NISCH: variants seen among roughly 807,000 people sequenced by gnomAD.
The protein encoded by NISCH is nischarin, also known as I-1 receptor candidate protein.
A neutral mutation model predicts 138.4 loss-of-function variants in NISCH; 55 were observed. The observed-to-expected ratio is 0.40, with a 90% CI of 0.32 to 0.50. NISCH has a LOEUF of 0.50. Ranked by LOEUF, NISCH falls within the 20% of genes least tolerant of loss-of-function variation. The pLI is 0.71. For missense variants in NISCH, 1,643 were observed against 2,005.5 expected, an observed-to-expected ratio of 0.82 and a Z score of 3.45; for synonymous variants, 860 against 861.5, an observed-to-expected ratio of 1.00 and a Z score of 0.03.
At position 52,491,491 on chromosome 3, in the gene NISCH, C is replaced by A. The variant is rs374481892; in HGVS notation, c.3882C>A (p.Ser1294=). Residue 1294 remains serine (S), a synonymous_variant, in exon 20 of 21, where the codon TCC becomes TCA. Transcript: ENST00000345716. Reference sequence around the variant, plus strand: ...AGCCTGTTGACAAGGACTTCTACTCCGAGTTTGGGAACAAGACCACAGGTA... The same window carrying A: ...AGCCTGTTGACAAGGACTTCTACTCAGAGTTTGGGAACAAGACCACAGGTA... ...SPEPVDKDFY[S]EFGNKTTGKM... is the part of the protein sequence containing the mutation. 3 of 1,612,678 alleles carry A rather than the reference C, an allele frequency of 1.9e-6. No homozygotes were observed. The highest frequency in any genetic ancestry group is 2.5e-6 in the Non-Finnish European group (3 of 1,179,598).
chr3:52,492,057 T>C lies in NISCH; in HGVS notation c.4090T>C (p.Cys1364Arg), dbSNP rs762197537. 1.9e-6 allele frequency: 3 copies of C among 1,613,096 alleles called. No individual in the cohort carries two copies. The South Asian group carries it at 3.3e-5, about 18-fold the overall frequency. Residue 1364 changes from cysteine to arginine, a missense_variant, in exon 21 of 21, where the codon TGC becomes CGC. Transcript: ENST00000345716. Reference sequence around the variant, plus strand: ...GGTGGGCATGCCACCCCCTGGGTGCTGCAGGGGCCCCCTGCGCCCCAAGAC... The same window carrying C: ...GGTGGGCATGCCACCCCCTGGGTGCCGCAGGGGCCCCCTGCGCCCCAAGAC... Reference protein sequence around the residue: ...FQVGMPPPGCCRGPLRPKTLL... With the variant: ...FQVGMPPPGCRRGPLRPKTLL...
chr3:52,484,225 G>T, intron 13 of NISCH: 1 of 364,722 alleles, frequency 2.7e-6, no homozygotes, highest in Non-Finnish European at 5.1e-6. Context: ...AAATGTGTCT[G>T]TGGAAGTTTA....
chr3:52,490,948 C>CGCTCAGACTCCAGAGGG, intron 19 of NISCH, 115 bp downstream of exon 19: 1 of 1,414,980 alleles, frequency 7.1e-7, no homozygotes. Context: ...TGCTCAAGAG[C>CGCTCAGACTCCAGAGGG]CACTTCTTAA....
intron 3 of NISCH, among the ~76,000 whole-genome samples, chr3:52,462,495 G>T (rs1706663221): frequency 6.6e-6 from 1 of 152,200 alleles, no homozygotes. Context: ...TCCAGGCTGG[G>T]AGCTCTCTGG....
intron 1 of NISCH, among the ~76,000 whole-genome samples, chr3:52,456,572 C>G (rs1386385921): frequency 6.6e-6 from 1 of 152,338 alleles, no homozygotes; most frequent in East Asian, 1.9e-4. Flanking sequence ...CCTGCCTCCT[C>G]CCCTTTGTTC....
At chr3:52,462,086 G>A (rs955119890) in intron 3 of NISCH, among the ~76,000 whole-genome samples, 1 of 152,054 alleles carries the variant, frequency 6.6e-6, no homozygotes. Context: ...GCCTGGGGCC[G>A]GCTACATCTG....
At position 52,470,852 on chromosome 3, in the gene NISCH, T is replaced by C; in HGVS notation, c.361-7T>C. 1 of 1,614,112 alleles carries C rather than the reference T, an allele frequency of 6.2e-7. No individual in the cohort carries two copies. Among genetic ancestry groups the C allele is most frequent in the Non-Finnish European group, 8.5e-7 (1 of 1,179,998 alleles). On this transcript the variant is annotated splice_region_variant and splice_polypyrimidine_tract_variant and intron_variant, in intron 3 of 20. Coordinates refer to ENST00000345716, the MANE Select transcript of NISCH (RefSeq NM_007184.4). ...CTTTCTAAGGGCAAATTTTGTGTTC[T>C]CTGCAGGAGATAAATGGCATCACCG...
chr3:52,473,126 C>T (rs1706998405), intron 6 of NISCH, among the ~76,000 whole-genome samples: 1 of 152,214 alleles, frequency 6.6e-6, no homozygotes. Context: ...GAGACTGCCT[C>T]CAGAGCCTCT....
intron 16 of NISCH, 144 bp downstream of exon 16, chr3:52,488,749 C>T: frequency 1.5e-6 from 1 of 681,014 alleles, no homozygotes; most frequent in Non-Finnish European, 2.4e-6. Flanking sequence ...CCCGGGCCTC[C>T]CTCTACATCA....
At chr3:52,488,866 G>A (rs1707485161) in intron 16 of NISCH, among the ~76,000 whole-genome samples, 1 of 152,188 alleles carries the variant, frequency 6.6e-6, no homozygotes, top group Non-Finnish European at 1.5e-5. Flanking sequence ...TGCCACCCAT[G>A]AAGGGCAGGC....
chr3:52,480,298 AATCGTGT>A lies in NISCH; in HGVS notation c.1528+6_1528+12del, dbSNP rs771980317. 3 of 1,613,632 alleles carry A rather than the reference AATCGTGT, an allele frequency of 1.9e-6. No individual in the cohort carries two copies. In the African/African-American group the frequency reaches 4.0e-5, roughly 22 times the overall value. ...CCAGCCCATCCTCTCTAACCAAGGT[AATCGTGT>A]ATGTATCTTGCTTCTAGTGGAGCCA... is the stretch of plus-strand genomic sequence containing the variant. On this transcript the variant is annotated splice_donor_5th_base_variant and intron_variant, in intron 13 of 20. Transcript: ENST00000345716.
At chr3:52,480,644 G>T in intron 13 of NISCH, 1 of 1,424,518 alleles carries the variant, frequency 7.0e-7, no homozygotes, top group East Asian at 2.6e-5. Context: ...AAGCAGGTTG[G>T]CTCCTGGTTA....
At position 52,479,853 on chromosome 3, in the gene NISCH, A is replaced by G; in HGVS notation, c.1407A>G (p.Pro469=). The part of the protein sequence containing the change: ...AKEVKSKLSN[P]EKKGGEDSRL... ...AGGTCAAGTCCAAACTGAGCAACCC[A>G]GAGAAGAAGGTGGGTTTGTGTGGCA... The change falls in exon 12 of 21, where the codon CCA becomes CCG. Residue 469 remains proline, a synonymous_variant. Coordinates refer to ENST00000345716, the MANE Select transcript of NISCH (RefSeq NM_007184.4). 2 of 1,612,886 alleles carry G rather than the reference A, an allele frequency of 1.2e-6. No homozygotes were observed. Among genetic ancestry groups the G allele is most frequent in the Non-Finnish European group, 1.7e-6 (2 of 1,179,316 alleles).
chr3:52,458,592 T>C (rs1173630161), intron 2 of NISCH, 70 bp from the exon 3 acceptor site: 1 of 1,404,090 alleles, frequency 7.1e-7, no homozygotes, highest in Non-Finnish European at 9.7e-7. Context: ...GCCCTCAAGC[T>C]TCTTGCCTTG....
Position 52,478,441 on chromosome 3 carries a change from C to A in NISCH, c.1174-8C>A, listed in dbSNP as rs1025313627. The A allele has an allele frequency of 1.9e-6, 3 of 1,614,050 alleles. No homozygotes were observed. The African/African-American group carries it at 4.0e-5, about 22-fold the overall frequency. On this transcript the variant is annotated splice_region_variant and splice_polypyrimidine_tract_variant and intron_variant, in intron 10 of 20. Transcript: ENST00000345716. ...GGGACCAAAGGGGATGGAACTCATA[C>A]CTTGCAGATGGAGGAGGTCCGGAGC...
At chr3:52,480,686 G>A (rs779850841) in intron 13 of NISCH, 118 of 1,421,616 alleles carry the variant, frequency 8.3e-5, no homozygotes, top group Non-Finnish European at 1.1e-4. Context: ...TTACTGTCTG[G>A]AGCCCGAATC....
At chr3:52,456,822 G>C (rs1313035115) in intron 1 of NISCH, among the ~76,000 whole-genome samples, 1 of 152,232 alleles carries the variant, frequency 6.6e-6, no homozygotes, top group Non-Finnish European at 1.5e-5. Context: ...GCTGCAGAGA[G>C]GAGGGGGAAA....
intron 17 of NISCH, 162 bp downstream of exon 17, chr3:52,489,840 G>A (rs539057546): frequency 1.1e-5 from 14 of 1,329,602 alleles, no homozygotes; most frequent in Non-Finnish European, 1.4e-5. Context: ...GTCCTGAGTT[G>A]CCCTCCCCTG....
chr3:52,489,710 C>T (rs1403807748), intron 17 of NISCH, 32 bp downstream of exon 17: 1 of 1,595,980 alleles, frequency 6.3e-7, no homozygotes, highest in Non-Finnish European at 8.5e-7. Flanking sequence ...CCAGCTATGG[C>T]ACGGCCAGTC....
Sources: gnomAD v4.1 joint callset for allele counts (sites outside exome capture counted in the v4.1 genomes callset) on GRCh38, gnomAD v4.1.1 for gene constraint, MANE v1.5 for transcripts, NCBI Gene and HGNC (gene_info 2026-07-23, HGNC 2026-07-21) for gene names.